The following AK7 variants were observed in gnomAD, a reference collection of about 807,000 sequenced individuals.
The protein encoded by AK7 is adenylate kinase 7.
A neutral mutation model predicts 96.6 loss-of-function variants in AK7; 78 were observed. That is an observed-to-expected ratio of 0.81 (90% CI 0.67 to 0.97). AK7 has a LOEUF of 0.97. AK7 is among the 50% of genes least tolerant of loss of function. The probability of loss-of-function intolerance (pLI) is 0.00; values close to 1 mark genes in which losing one functional copy is unlikely to be tolerated. For missense variants in AK7, 855 were observed against 887.9 expected, an observed-to-expected ratio of 0.96 and a Z score of 0.47; for synonymous variants, 302 against 317.2, an observed-to-expected ratio of 0.95 and a Z score of 0.51.
chr14:96,460,809 G>A (rs1894211817), intron 12 of AK7, among the ~76,000 whole-genome samples: 1 of 152,120 alleles, frequency 6.6e-6, no homozygotes, highest in Non-Finnish European at 1.5e-5. Context: ...CTGGTCCCTG[G>A]CCCTGGTTCC....
Position 96,488,446 on chromosome 14 carries a change from CTTT to C in AK7, c.*108_*110del. ...ATGCTTTTCCAGTTCTTAGAAAATT[CTTT>C]TTTTGTAGACAAATATTCTATAAAC... is the stretch of plus-strand genomic sequence containing the variant. On this transcript the variant is annotated 3_prime_UTR_variant, in exon 18 of 18. Transcript: ENST00000267584. The C allele has an allele frequency of 9.4e-7, 1 of 1,059,674 alleles. No homozygotes were observed. The highest frequency in any genetic ancestry group is 1.4e-6 in the Non-Finnish European group (1 of 730,820). The allele number at this position is 1,059,674 out of a possible 1,614,324, so 65.6% of individuals were successfully genotyped here. A position where few individuals can be genotyped will look rare whatever the true frequency, so the allele number is the denominator to read the frequency against.
At chr14:96,397,492 A>G (rs1595365039) in intron 1 of AK7, among the ~76,000 whole-genome samples, 1 of 152,142 alleles carries the variant, frequency 6.6e-6, no homozygotes, top group Non-Finnish European at 1.5e-5. Flanking sequence ...CAAGTGATCC[A>G]CCTGCCTCAG....
intron 15 of AK7, among the ~76,000 whole-genome samples, chr14:96,480,126 C>T (rs112688434): frequency 0.021 from 3,216 of 152,148 alleles, 92 homozygotes; most frequent in African/African-American, 0.073. Context: ...CATAACATGA[C>T]ATACTATTAT....
At chr14:96,441,770 T>C (rs1213566147) in intron 6 of AK7, among the ~76,000 whole-genome samples, 1 of 152,118 alleles carries the variant, frequency 6.6e-6, no homozygotes, top group Non-Finnish European at 1.5e-5. Flanking sequence ...TTTATTTTCC[T>C]TTCACATTAC....
rs76842865 is a variant in AK7 at position 96,446,533 on chromosome 14, A to G, written c.796A>G (p.Ile266Val). The G allele has an allele frequency of 4.2e-5, 67 of 1,614,182 alleles. No individual in the cohort carries two copies. The African/African-American group carries it at 7.3e-4, about 18-fold the overall frequency. Residue 266 changes from isoleucine (I) to valine (V), a missense_variant, in exon 8 of 18, where the codon ATA (isoleucine) becomes GTA (valine). Ile to Val is a conservative substitution (Grantham distance 29, BLOSUM62 3). Transcript: ENST00000267584. Reference protein sequence around the residue: ...LDLAGVIQNVIDHVPKPHYLV... With the variant: ...LDLAGVIQNVVDHVPKPHYLV... ...GGTCTGCAGAGTGATACAAAACGTCATAGATCACGTGCCAAAGCCTCACTA... is the reference window on the plus strand; with the variant it reads ...GGTCTGCAGAGTGATACAAAACGTCGTAGATCACGTGCCAAAGCCTCACTA...
chr14:96,403,519 G>A (rs894384615), intron 2 of AK7, among the ~76,000 whole-genome samples: 1 of 152,176 alleles, frequency 6.6e-6, no homozygotes, highest in African/African-American at 2.4e-5. Context: ...GAACAGGGCT[G>A]GAGAAACTAG....
intron 4 of AK7, among the ~76,000 whole-genome samples, chr14:96,417,438 T>C (rs1246729811): frequency 1.3e-5 from 2 of 152,238 alleles, no homozygotes; most frequent in East Asian, 3.8e-4. Flanking sequence ...TTGTGCAATA[T>C]GTATTCACTA....
Position 96,449,885 on chromosome 14 carries a change from T to A in AK7, c.948+6T>A. ...ACCTAACCAAGGACTTAACGGTTAG[T>A]ATATGCGGTGTTTTTTTTTTTTTAA... On this transcript the variant is annotated splice_donor_region_variant and intron_variant, in intron 9 of 17. Transcript: ENST00000267584. 6.5e-7 allele frequency: 1 copy of A among 1,527,058 alleles called. No homozygotes were observed. The highest frequency in any genetic ancestry group is 1.9e-4 in the Middle Eastern group (1 of 5,292). 94.6% of individuals were successfully genotyped at this position (1,527,058 alleles called of 1,614,324 possible).
chr14:96,430,612 C>T (rs1259548311), intron 5 of AK7, among the ~76,000 whole-genome samples: 2 of 152,206 alleles, frequency 1.3e-5, no homozygotes, highest in Non-Finnish European at 2.9e-5. Context: ...ACCAGCCTTG[C>T]ATCCCAGGGA....
intron 6 of AK7, among the ~76,000 whole-genome samples, chr14:96,440,281 A>AT (rs1230612715): frequency 1.3e-5 from 2 of 151,936 alleles, no homozygotes; most frequent in African/African-American, 2.4e-5. Context: ...CCTCGAACTG[A>AT]TTTTTTTAAT....
rs1304898421 is a variant in AK7 at position 96,408,752 on chromosome 14, G to T, written c.404-95G>T. 4 of 1,079,916 alleles carry T rather than the reference G, an allele frequency of 3.7e-6. No individual in the cohort carries two copies. The East Asian group carries it at 9.9e-5, about 27-fold the overall frequency. 66.9% of individuals were successfully genotyped at this position (1,079,916 alleles called of 1,614,324 possible). On this transcript the variant is annotated intron_variant, in intron 3 of 17. Transcript: ENST00000267584. ...GCATCAGAGGTAACAGCACCCTGGT[G>T]TTAAGTGGCTCCTACTGGTGACTAA...
intron 14 of AK7, among the ~76,000 whole-genome samples, chr14:96,475,253 T>C (rs1384617174): frequency 6.6e-6 from 1 of 152,174 alleles, no homozygotes; most frequent in Non-Finnish European, 1.5e-5. Flanking sequence ...AGGATTTTAA[T>C]TGAGGGAGGG....
chr14:96,443,164 C>T (rs1373181500), intron 7 of AK7, among the ~76,000 whole-genome samples: 7 of 152,214 alleles, frequency 4.6e-5, no homozygotes, highest in East Asian at 1.9e-4. Context: ...ATTAATATGT[C>T]TAACCCGTCA....
intron 5 of AK7, 58 bp downstream of exon 5, chr14:96,420,990 G>T (rs776472109): frequency 5.6e-6 from 7 of 1,241,096 alleles, no homozygotes; most frequent in Non-Finnish European, 8.2e-6. Context: ...ATCTCTTTGT[G>T]TGGTTTCCTG....
intron 6 of AK7, among the ~76,000 whole-genome samples, chr14:96,440,413 C>A (rs1208042679): frequency 2.6e-5 from 4 of 152,158 alleles, no homozygotes; most frequent in Non-Finnish European, 4.4e-5. Flanking sequence ...GGCCCTAGAC[C>A]TTTTTTCTTC....
At chr14:96,480,988 TCA>T (rs572315804) in intron 15 of AK7, among the ~76,000 whole-genome samples, 74 of 152,326 alleles carry the variant, frequency 4.9e-4, no homozygotes, top group African/African-American at 1.7e-3. Context: ...TGCTTCTCTC[TCA>T]GTGTCTCTTT....
chr14:96,426,720 A>G (rs1269072627), intron 5 of AK7, among the ~76,000 whole-genome samples: 1 of 152,070 alleles, frequency 6.6e-6, no homozygotes, highest in African/African-American at 2.4e-5. Flanking sequence ...ACTTTTCAAT[A>G]TGTCATGCCA....
At chr14:96,438,203 G>A (rs1000688793) in intron 6 of AK7, among the ~76,000 whole-genome samples, 10 of 152,206 alleles carry the variant, frequency 6.6e-5, no homozygotes, top group Non-Finnish European at 1.5e-5. Context: ...TTGGGATACA[G>A]TAAAATAATA....
chr14:96,450,295 A>G (rs1184732365), intron 9 of AK7, among the ~76,000 whole-genome samples: 1 of 152,032 alleles, frequency 6.6e-6, no homozygotes, highest in Admixed American at 6.6e-5. Context: ...ACATGCCTGT[A>G]ATCCCAGTTA....
Sources: gnomAD v4.1 joint callset for allele counts (sites outside exome capture counted in the v4.1 genomes callset) on GRCh38, gnomAD v4.1.1 for gene constraint, MANE v1.5 for transcripts, NCBI Gene and HGNC (gene_info 2026-07-23, HGNC 2026-07-21) for gene names.